Variants in FAM193A observed in about 807,000 individuals in gnomAD.
FAM193A encodes protein FAM193A.
In FAM193A, 22 loss-of-function variants were observed where a neutral mutation model predicts 126.5. The ratio of observed to expected loss-of-function variants is 0.17; its 90% CI spans 0.12 to 0.25. FAM193A has a LOEUF of 0.25. Among genes scored for constraint, FAM193A ranks in the 10% least tolerant of loss-of-function variants. The pLI, the probability that FAM193A is intolerant of heterozygous loss-of-function variation, is 1.00. For synonymous variants in FAM193A, 761 were observed against 646.8 expected, an observed-to-expected ratio of 1.18 and a Z score of -2.68; for missense variants, 1,675 against 1,672.8, an observed-to-expected ratio of 1.00 and a Z score of -0.02.
At chr4:2,619,517 TTAG>T (rs1422794746) in intron 2 of FAM193A, among the ~76,000 whole-genome samples, 1 of 151,952 alleles carries the variant, frequency 6.6e-6, no homozygotes, top group Non-Finnish European at 1.5e-5. Context: ...TTTTGTATTT[TTAG>T]TAGAGGTGGG....
At chr4:2,664,964 T>G (rs1240349681) in intron 12 of FAM193A, among the ~76,000 whole-genome samples, 1 of 152,206 alleles carries the variant, frequency 6.6e-6, no homozygotes, top group Non-Finnish European at 1.5e-5. Flanking sequence ...CCTTGGATCT[T>G]GAGGGATTGC....
intron 2 of FAM193A, among the ~76,000 whole-genome samples, chr4:2,598,863 C>T (rs1156445427): frequency 6.6e-6 from 1 of 152,172 alleles, no homozygotes; most frequent in East Asian, 1.9e-4. Flanking sequence ...CCGATGGTGG[C>T]ATCTTCTCAG....
At chr4:2,714,506 C>T (rs1209689402) in intron 19 of FAM193A, among the ~76,000 whole-genome samples, 1 of 152,156 alleles carries the variant, frequency 6.6e-6, no homozygotes, top group African/African-American at 2.4e-5. Flanking sequence ...CATTCCTAGA[C>T]CACCCAGTCC....
At chr4:2,570,670 G>A (rs1438887630) in intron 1 of FAM193A, among the ~76,000 whole-genome samples, 1 of 152,148 alleles carries the variant, frequency 6.6e-6, no homozygotes, top group Non-Finnish European at 1.5e-5. Context: ...CTAGGTGCAA[G>A]GCTGTGGGCA....
intron 4 of FAM193A, among the ~76,000 whole-genome samples, chr4:2,628,783 G>A (rs770736835): frequency 3.0e-4 from 46 of 152,006 alleles, no homozygotes; most frequent in Non-Finnish European, 5.9e-4. Context: ...TGATGTGCCC[G>A]CATCTGTTGA....
At chr4:2,704,172 A>T (rs1441907055) in intron 19 of FAM193A, among the ~76,000 whole-genome samples, 1 of 151,644 alleles carries the variant, frequency 6.6e-6, no homozygotes, top group Non-Finnish European at 1.5e-5. Flanking sequence ...TTGAGGCAGG[A>T]TAATTGCTTG....
chr4:2,719,107 T>TA (rs1560612947), intron 20 of FAM193A, among the ~76,000 whole-genome samples: 1 of 152,182 alleles, frequency 6.6e-6, no homozygotes, highest in Non-Finnish European at 1.5e-5. Flanking sequence ...AAAATTCTGA[T>TA]ACCAAAATCT....
chr4:2,557,928 G>C (rs962499925), intron 1 of FAM193A, among the ~76,000 whole-genome samples: 4 of 151,824 alleles, frequency 2.6e-5, no homozygotes, highest in African/African-American at 9.7e-5. Context: ...CTCCAGCCTG[G>C]GTGACAGAGT....
At chr4:2,722,975 T>C (rs938944728) in intron 20 of FAM193A, among the ~76,000 whole-genome samples, 1 of 152,128 alleles carries the variant, frequency 6.6e-6, no homozygotes, top group Admixed American at 6.5e-5. Context: ...CAATTTTGCT[T>C]ACAAAAGTAT....
At chr4:2,577,196 A>T (rs1739638030) in intron 1 of FAM193A, among the ~76,000 whole-genome samples, 1 of 152,020 alleles carries the variant, frequency 6.6e-6, no homozygotes, top group Admixed American at 6.6e-5. Flanking sequence ...TCTGTCACCC[A>T]GGTGACATAT....
intron 1 of FAM193A, among the ~76,000 whole-genome samples, chr4:2,556,446 T>C (rs539323908): frequency 6.5e-4 from 96 of 147,342 alleles, no homozygotes; most frequent in African/African-American, 2.2e-3. Context: ...CCTCATGATC[T>C]GCCTGCCTTG....
At chr4:2,643,398 T>G (rs1439406908) in intron 6 of FAM193A, among the ~76,000 whole-genome samples, 2 of 152,184 alleles carry the variant, frequency 1.3e-5, no homozygotes, top group East Asian at 3.9e-4. Context: ...ATATATTTCA[T>G]TTTTTAAAAA....
chr4:2,557,639 C>T (rs1201623057), intron 1 of FAM193A, among the ~76,000 whole-genome samples: 2 of 152,032 alleles, frequency 1.3e-5, no homozygotes, highest in Non-Finnish European at 2.9e-5. Context: ...ATTTCATGCT[C>T]ATGCTAAAAT....
intron 5 of FAM193A, 78 bp downstream of exon 5, chr4:2,631,247 A>G (rs1470703123): frequency 4.3e-6 from 6 of 1,387,294 alleles, no homozygotes; most frequent in South Asian, 1.3e-5. Context: ...CTTCTCACGC[A>G]TGTGTGCCGA....
At chr4:2,541,599 C>G (rs1049467724) in intron 1 of FAM193A, among the ~76,000 whole-genome samples, 1 of 151,494 alleles carries the variant, frequency 6.6e-6, no homozygotes, top group African/African-American at 2.4e-5. Context: ...GCGCGTGCCA[C>G]CACGCCCAGC....
chr4:2,600,900 G>A (rs1307214226), intron 2 of FAM193A, among the ~76,000 whole-genome samples: 14 of 152,208 alleles, frequency 9.2e-5, no homozygotes, highest in Admixed American at 9.2e-4. Flanking sequence ...TAAAGTTGTG[G>A]TTCAATTTCT....
intron 19 of FAM193A, among the ~76,000 whole-genome samples, chr4:2,701,380 G>A (rs1044057611): frequency 6.6e-6 from 1 of 151,322 alleles, no homozygotes; most frequent in African/African-American, 2.4e-5. Flanking sequence ...CCTTTGGATC[G>A]GTTTCTCTGT....
At chr4:2,619,388 C>G (rs569820245) in intron 2 of FAM193A, among the ~76,000 whole-genome samples, 1 of 151,736 alleles carries the variant, frequency 6.6e-6, no homozygotes, top group African/African-American at 2.4e-5. Flanking sequence ...CTGCAACCTC[C>G]GCCTCCTGGG....
intron 1 of FAM193A, among the ~76,000 whole-genome samples, chr4:2,582,191 T>C (rs145108046): frequency 6.6e-6 from 1 of 152,190 alleles, no homozygotes; most frequent in African/African-American, 2.4e-5. Context: ...TCTTGCTCTT[T>C]TGCCCAGGCT....
Sources: gnomAD v4.1 joint callset for allele counts (sites outside exome capture counted in the v4.1 genomes callset) on GRCh38, gnomAD v4.1.1 for gene constraint, MANE v1.5 for transcripts, NCBI Gene and HGNC (gene_info 2026-07-23, HGNC 2026-07-21) for gene names.